EPHB1: variants seen among roughly 807,000 people sequenced by gnomAD.
EPHB1 encodes the protein ephrin type-B receptor 1.
Under a neutral mutation model 94.4 loss-of-function variants are expected in EPHB1, and 30 were observed. The ratio of observed to expected loss-of-function variants is 0.32; its 90% CI spans 0.24 to 0.43. The LOEUF (loss-of-function observed/expected upper bound fraction) is 0.43, where lower values mean the gene tolerates loss of function less well. Ranked by LOEUF, EPHB1 falls within the 20% of genes least tolerant of loss-of-function variation. The pLI, the probability that EPHB1 is intolerant of heterozygous loss-of-function variation, is 1.00. For synonymous variants in EPHB1, 522 were observed against 489.1 expected (o/e 1.07, Z -0.89); for missense variants, 1,055 against 1,308.3 (o/e 0.81, Z 2.99).
intron 3 of EPHB1, among the ~76,000 whole-genome samples, chr3:134,995,358 G>C (rs1357875153): frequency 2.0e-5 from 3 of 152,120 alleles, no homozygotes; most frequent in African/African-American, 2.4e-5. Flanking sequence ...GCATTCTATG[G>C]TATGGATGTA....
intron 3 of EPHB1, among the ~76,000 whole-genome samples, chr3:135,090,992 C>T (rs182341055): frequency 2.6e-5 from 4 of 152,344 alleles, no homozygotes; most frequent in Non-Finnish European, 2.9e-5. Context: ...ATTATTTTAT[C>T]AAGTACACCA....
intron 13 of EPHB1, among the ~76,000 whole-genome samples, chr3:135,247,091 T>A (rs1943944803): frequency 6.6e-6 from 1 of 152,200 alleles, no homozygotes; most frequent in African/African-American, 2.4e-5. Context: ...TTGTTTAAAA[T>A]GCTTTAACTG....
In EPHB1 at chr3:134,951,617, A is replaced by G; in HGVS notation, c.370A>G (p.Lys124Glu). 3 of 1,614,102 alleles carry G rather than the reference A, an allele frequency of 1.9e-6. No homozygotes were observed. Among genetic ancestry groups the G allele is most frequent in the Non-Finnish European group, 2.5e-6 (3 of 1,179,982 alleles). The change falls in exon 3 of 16, where the codon AAG (lysine) becomes GAG (glutamate). Residue 124 changes from lysine to glutamate, a missense_variant. Transcript: ENST00000398015. This position sits in a 1 kb window ranked among gnomAD's most constrained non-coding sequence, Gnocchi z 4.5. Reference sequence around the variant, plus strand: ...TGAGACTGACTCTGTCATTGCCACCAAGAAGTCAGCCTTCTGGTCTGAGGC... The same window carrying G: ...TGAGACTGACTCTGTCATTGCCACCGAGAAGTCAGCCTTCTGGTCTGAGGC... ...YYETDSVIAT[K>E]KSAFWSEAPY...
At chr3:135,235,782 A>G (rs2107726042) in intron 12 of EPHB1, among the ~76,000 whole-genome samples, 1 of 152,266 alleles carries the variant, frequency 6.6e-6, no homozygotes, top group East Asian at 1.9e-4. Context: ...CTGATGGTAG[A>G]GTGAGGATAG....
At chr3:134,961,749 A>G (rs995166794) in intron 3 of EPHB1, among the ~76,000 whole-genome samples, 2 of 152,142 alleles carry the variant, frequency 1.3e-5, no homozygotes, top group Non-Finnish European at 2.9e-5. Flanking sequence ...ATTCTTTCCA[A>G]TGAGTGTTAT....
At chr3:134,802,348 G>GAA (rs558627652) in intron 1 of EPHB1, among the ~76,000 whole-genome samples, 1,581 of 128,930 alleles carry the variant, frequency 0.012, 33 homozygotes, top group African/African-American at 0.043. Flanking sequence ...TCTGTCTCAC[G>GAA]AAAAAAAAAA....
intron 10 of EPHB1, among the ~76,000 whole-genome samples, chr3:135,182,406 C>G (rs540643516): frequency 6.6e-6 from 1 of 152,258 alleles, no homozygotes; most frequent in South Asian, 2.1e-4. Context: ...TCCCTACTTC[C>G]TCTCTCCCTC....
At chr3:134,931,676 T>C (rs2038905573) in intron 2 of EPHB1, among the ~76,000 whole-genome samples, 1 of 152,208 alleles carries the variant, frequency 6.6e-6, no homozygotes, top group Admixed American at 6.5e-5. Context: ...ACCTTCAGGA[T>C]GAGTGAGCTG....
At chr3:135,121,805 CT>C (rs370298819) in intron 4 of EPHB1, among the ~76,000 whole-genome samples, 1,806 of 143,454 alleles carry the variant, frequency 0.013, 10 homozygotes, top group African/African-American at 0.023. Context: ...TGCACAAAGT[CT>C]TTTTTTTTTT....
chr3:134,861,179 A>G (rs1462951120), intron 1 of EPHB1, among the ~76,000 whole-genome samples: 2 of 152,200 alleles, frequency 1.3e-5, no homozygotes, highest in African/African-American at 2.4e-5. Flanking sequence ...ATAGGCACAT[A>G]TGTACAGAGT....
At chr3:135,240,512 T>C (rs971331712) in intron 12 of EPHB1, among the ~76,000 whole-genome samples, 6 of 152,114 alleles carry the variant, frequency 3.9e-5, no homozygotes, top group African/African-American at 1.2e-4. Flanking sequence ...TGACCTCCAC[T>C]GAAGGGCTGG....
intron 3 of EPHB1, among the ~76,000 whole-genome samples, chr3:134,992,504 A>G (rs1254595780): frequency 6.6e-6 from 1 of 152,222 alleles, no homozygotes; most frequent in East Asian, 1.9e-4. Context: ...CCATGCCACA[A>G]ATACTGAGTG....
At chr3:135,208,707 T>C (rs1942963181) in intron 12 of EPHB1, among the ~76,000 whole-genome samples, 1 of 152,220 alleles carries the variant, frequency 6.6e-6, no homozygotes, top group South Asian at 2.1e-4. Flanking sequence ...GAATGAATTG[T>C]ATGCTGTGGA....
At chr3:135,033,906 A>G (rs916623764) in intron 3 of EPHB1, among the ~76,000 whole-genome samples, 2 of 152,222 alleles carry the variant, frequency 1.3e-5, no homozygotes, top group African/African-American at 4.8e-5. Context: ...AAGGGACCCC[A>G]GAGGTTCTAG....
intron 2 of EPHB1, among the ~76,000 whole-genome samples, chr3:134,935,364 A>T (rs2038981363): frequency 6.6e-6 from 1 of 152,302 alleles, no homozygotes; most frequent in African/African-American, 2.4e-5. Flanking sequence ...GGAAGGAGGA[A>T]CTGAGCCTCT....
At chr3:135,110,734 A>T (rs1294747096) in intron 4 of EPHB1, among the ~76,000 whole-genome samples, 1 of 152,224 alleles carries the variant, frequency 6.6e-6, no homozygotes, top group Non-Finnish European at 1.5e-5. Context: ...TACCTTGCTT[A>T]GAGAAGGATA....
chr3:135,257,964 T>C (rs1337731983), intron 15 of EPHB1, among the ~76,000 whole-genome samples: 1 of 152,022 alleles, frequency 6.6e-6, no homozygotes, highest in Non-Finnish European at 1.5e-5. Flanking sequence ...CGGGTGGGAG[T>C]GACCCGATTT....
At chr3:134,859,325 G>A (rs2037193767) in intron 1 of EPHB1, among the ~76,000 whole-genome samples, 2 of 152,186 alleles carry the variant, frequency 1.3e-5, no homozygotes, top group African/African-American at 2.4e-5. Flanking sequence ...TAATCAGGAG[G>A]ATTAAGGGAA....
intron 1 of EPHB1, among the ~76,000 whole-genome samples, chr3:134,875,596 C>CT (rs1307897863): frequency 6.6e-6 from 1 of 152,148 alleles, no homozygotes; most frequent in African/African-American, 2.4e-5. Context: ...CTCAGTACTT[C>CT]TGAACTTTAG....
Sources: allele counts gnomAD v4.1 joint callset (sites outside exome capture counted in the v4.1 genomes callset), GRCh38; gene constraint gnomAD v4.1.1; non-coding constraint Gnocchi (gnomAD v3.1); transcripts MANE v1.5; gene names NCBI Gene and HGNC (gene_info 2026-07-23, HGNC 2026-07-21).